The following DNAJC5 variants were observed in gnomAD, a reference collection of about 807,000 sequenced individuals.
The protein encoded by DNAJC5 is dnaJ homolog subfamily C member 5.
In DNAJC5, 1 loss-of-function variant was observed where a neutral mutation model predicts 23.2. The ratio of observed to expected loss-of-function variants is 0.04; its 90% CI spans 0.02 to 0.20. The LOEUF (loss-of-function observed/expected upper bound fraction) is 0.20, where lower values mean the gene tolerates loss of function less well. Ranked by LOEUF, DNAJC5 falls within the 10% of genes least tolerant of loss-of-function variation. DNAJC5 has a pLI of 1.00. For synonymous variants in DNAJC5, 136 were observed against 120.0 expected (o/e 1.13, Z -0.87); for missense variants, 180 against 267.0 (o/e 0.67, Z 2.27).
At chr20:63,898,247 G>A (rs1401655238) in intron 1 of DNAJC5, among the ~76,000 whole-genome samples, 19 of 152,234 alleles carry the variant, frequency 1.2e-4, no homozygotes, top group Admixed American at 1.2e-3. Context: ...TTTGTTGAAT[G>A]AATGACTAAA....
Position 63,904,983 on chromosome 20 carries a change from T to C in DNAJC5, c.-12+9660T>C, listed in dbSNP as rs2053437976. 5.3e-5 allele frequency among the ~76,000 whole-genome samples: 8 copies of C among 151,646 alleles called. 1 individual carries two copies. The stretch of plus-strand genomic sequence containing the variant: ...CACGCCCGGCTAATTTTTGTATTTT[T>C]AGTCTAGACGGGGGTTTCACCATGT... On this transcript the variant is annotated intron_variant, in intron 1 of 4. Transcript: ENST00000360864.
Position 63,929,413 on chromosome 20 carries a change from C to T in DNAJC5, c.209C>T (p.Ala70Val). The T allele has an allele frequency of 6.2e-7, 1 of 1,614,182 alleles. No homozygotes were observed. Among genetic ancestry groups the T allele is most frequent in the Non-Finnish European group, 8.5e-7 (1 of 1,180,026 alleles). The change falls in exon 3 of 5, where the codon GCC becomes GTC. Residue 70 changes from alanine to valine, a missense_variant. Transcript: ENST00000360864. This position sits in a 1 kb window ranked among gnomAD's most constrained non-coding sequence, Gnocchi z 8.6. The part of the protein sequence containing the change: ...INNAHAILTD[A>V]TKRNIYDKYG... ...AACGCGCACGCCATCCTCACGGACG[C>T]CACAAAAAGGAACATCTACGACAAG...
chr20:63,918,575 C>T (rs769496000), intron 1 of DNAJC5, among the ~76,000 whole-genome samples: 7 of 152,184 alleles, frequency 4.6e-5, no homozygotes, highest in African/African-American at 9.7e-5. Context: ...GTTTATGCGT[C>T]ATAATTTATA....
intron 1 of DNAJC5, among the ~76,000 whole-genome samples, chr20:63,925,187 G>A (rs762615573): frequency 6.6e-5 from 10 of 151,594 alleles, no homozygotes; most frequent in Non-Finnish European, 1.0e-4. Context: ...TGACAGTGTA[G>A]AAAACCAATT....
chr20:63,918,148 T>G, intron 1 of DNAJC5, among the ~76,000 whole-genome samples: 1 of 152,222 alleles, frequency 6.6e-6, no homozygotes, highest in Non-Finnish European at 1.5e-5. Flanking sequence ...CAGAATAGAA[T>G]GTGACCACAC....
intron 1 of DNAJC5, among the ~76,000 whole-genome samples, chr20:63,925,143 G>C (rs2053601671): frequency 1.3e-5 from 2 of 152,118 alleles, no homozygotes; most frequent in South Asian, 4.1e-4. Context: ...TTGCTGATGG[G>C]TTTGTGAGTA....
intron 1 of DNAJC5, among the ~76,000 whole-genome samples, chr20:63,910,897 CT>C (rs2053479013): frequency 6.6e-6 from 1 of 152,082 alleles, no homozygotes; most frequent in Non-Finnish European, 1.5e-5. Flanking sequence ...GGTCTATCTC[CT>C]GACCTCATGA....
chr20:63,916,321 TAAAGAG>T (rs951143454), intron 1 of DNAJC5, among the ~76,000 whole-genome samples: 2 of 152,048 alleles, frequency 1.3e-5, no homozygotes, highest in Admixed American at 6.6e-5. Flanking sequence ...AGCTGAGAAA[TAAAGAG>T]AAAGAGTACA....
Position 63,929,934 on chromosome 20 carries a change from G to A in DNAJC5, c.321+409G>A, listed in dbSNP as rs1245401194. Among the ~76,000 whole-genome samples the A allele has an allele frequency of 6.6e-6, 1 of 152,204 alleles. No homozygotes were observed. Among genetic ancestry groups the A allele is most frequent in the Non-Finnish European group, 1.5e-5 (1 of 68,022 alleles). Reference sequence around the variant, plus strand: ...GGTGTCCTGCCTGGAACAAGCCATAGCGTACAGATTGTCCCAGGGAAGAGC... The same window carrying A: ...GGTGTCCTGCCTGGAACAAGCCATAACGTACAGATTGTCCCAGGGAAGAGC... On this transcript the variant is annotated intron_variant, in intron 3 of 4. Coordinates refer to ENST00000360864, the MANE Select transcript of DNAJC5 (RefSeq NM_025219.3). This position sits in a 1 kb window ranked among gnomAD's most constrained non-coding sequence, Gnocchi z 8.6.
At chr20:63,914,985 C>A (rs186367807) in intron 1 of DNAJC5, among the ~76,000 whole-genome samples, 1 of 152,142 alleles carries the variant, frequency 6.6e-6, no homozygotes, top group Non-Finnish European at 1.5e-5. Flanking sequence ...AAATAAAGAA[C>A]GCTCAAAATG....
chr20:63,924,456 G>C (rs1289734156), intron 1 of DNAJC5, among the ~76,000 whole-genome samples: 1 of 152,174 alleles, frequency 6.6e-6, no homozygotes, highest in South Asian at 2.1e-4. Flanking sequence ...GCACGATCAT[G>C]GCTCACTGCA....
At chr20:63,910,448 C>T (rs1335454377) in intron 1 of DNAJC5, among the ~76,000 whole-genome samples, 2 of 151,336 alleles carry the variant, frequency 1.3e-5, no homozygotes, top group Non-Finnish European at 2.9e-5. Context: ...GAGGCTGAGG[C>T]AGGAGAATGG....
Position 63,929,235 on chromosome 20 carries a change from C to T in DNAJC5, c.108-77C>T, listed in dbSNP as rs1162463638. ...CTTCCACTGCACCCGGCAGTGCGTG[C>T]GGGTGGGATGGACGCGGCGGCGGGT... is the stretch of plus-strand genomic sequence containing the variant. On this transcript the variant is annotated intron_variant, in intron 2 of 4. Coordinates refer to ENST00000360864, the MANE Select transcript of DNAJC5 (RefSeq NM_025219.3). The surrounding 1 kb of genome is among the most constrained non-coding windows in gnomAD (Gnocchi z 8.6). 29 of 1,522,208 alleles carry T rather than the reference C, an allele frequency of 1.9e-5. No homozygotes were observed. The highest frequency in any genetic ancestry group is 2.8e-5 in the African/African-American group (2 of 72,378). The allele number at this position is 1,522,208 out of a possible 1,614,324, so 94.3% of individuals were successfully genotyped here. A position where few individuals can be genotyped will look rare whatever the true frequency, so the allele number is the denominator to read the frequency against.
chr20:63,898,867 T>C (rs940249356), intron 1 of DNAJC5, among the ~76,000 whole-genome samples: 6 of 152,008 alleles, frequency 3.9e-5, no homozygotes, highest in African/African-American at 1.2e-4. Flanking sequence ...CAAACTGCAG[T>C]GCTTCTAAGG....
rs561123246 is a variant in DNAJC5, at chr20:63,933,720, G to T, written c.*2152G>T. 1 of 152,334 alleles carries T rather than the reference G, an allele frequency of 6.6e-6. No homozygotes were observed. The highest frequency in any genetic ancestry group is 1.5e-5 in the Non-Finnish European group (1 of 68,044). The allele number at this position is 152,334 out of a possible 1,614,324, so 9.4% of individuals were successfully genotyped here. ...AGCTTAGGACGTGAGTTATTTTTCC[G>T]CAGACTGGCCAAGAGCCAGGTTCTA... On this transcript the variant is annotated 3_prime_UTR_variant, in exon 5 of 5. Coordinates refer to ENST00000360864, the MANE Select transcript of DNAJC5 (RefSeq NM_025219.3).
chr20:63,911,729 G>C (rs1315305419), intron 1 of DNAJC5, among the ~76,000 whole-genome samples: 1 of 151,616 alleles, frequency 6.6e-6, no homozygotes, highest in East Asian at 1.9e-4. Context: ...GCTGGAGTGC[G>C]GTGGCGCGAT....
At chr20:63,906,772 C>T (rs551489772) in intron 1 of DNAJC5, among the ~76,000 whole-genome samples, 8 of 151,336 alleles carry the variant, frequency 5.3e-5, no homozygotes, top group East Asian at 2.0e-4. Flanking sequence ...GGTGAGTGAT[C>T]GAGACTCTGT....
At chr20:63,912,621 G>T (rs2053489267) in intron 1 of DNAJC5, among the ~76,000 whole-genome samples, 1 of 152,138 alleles carries the variant, frequency 6.6e-6, no homozygotes, top group Non-Finnish European at 1.5e-5. Flanking sequence ...TTGTTTTTGA[G>T]ACGGAGTCTC....
At chr20:63,907,275 A>G (rs2053454067) in intron 1 of DNAJC5, among the ~76,000 whole-genome samples, 1 of 152,162 alleles carries the variant, frequency 6.6e-6, no homozygotes, top group Non-Finnish European at 1.5e-5. Context: ...TTTCAGTTAC[A>G]GCCCTGCTGA....
Sources: gnomAD v4.1 joint callset for allele counts (sites outside exome capture counted in the v4.1 genomes callset) on GRCh38, gnomAD v4.1.1 for gene constraint, Gnocchi (gnomAD v3.1) non-coding constraint, MANE v1.5 for transcripts, NCBI Gene and HGNC (gene_info 2026-07-23, HGNC 2026-07-21) for gene names.